The following RSPH14 variants were observed in gnomAD, a reference collection of about 807,000 sequenced individuals.
RSPH14 encodes the protein rhabdoid tumor deletion region gene 1.
A neutral mutation model predicts 26.7 loss-of-function variants in RSPH14; 20 were observed. The ratio of observed to expected loss-of-function variants is 0.75; its 90% CI spans 0.53 to 1.09. The LOEUF (loss-of-function observed/expected upper bound fraction) is 1.09, where lower values mean the gene tolerates loss of function less well. Ranked by LOEUF, RSPH14 falls within the 50% of genes least tolerant of loss-of-function variation. RSPH14 has a pLI of 0.00. For synonymous variants in RSPH14, 177 were observed against 189.3 expected, an observed-to-expected ratio of 0.93 and a Z score of 0.53; for missense variants, 449 against 457.2, an observed-to-expected ratio of 0.98 and a Z score of 0.16.
intron 4 of RSPH14, among the ~76,000 whole-genome samples, chr22:23,119,423 A>C (rs1176291040): frequency 6.6e-6 from 1 of 152,146 alleles, no homozygotes; most frequent in East Asian, 1.9e-4. Context: ...GTGGTTCTTC[A>C]GCCTCCCGCT....
chr22:23,140,125 G>C (rs112940584), intron 2 of RSPH14, 97 bp downstream of exon 2: 47 of 1,498,340 alleles, frequency 3.1e-5, no homozygotes, highest in Non-Finnish European at 4.1e-5. Flanking sequence ...CTGGAGTCAG[G>C]CTCAAACAAT....
In RSPH14 at chr22:23,136,487, G is replaced by A. The variant is rs1436079647; in HGVS notation, c.303-2343C>T. Among the ~76,000 whole-genome samples the A allele has an allele frequency of 2.2e-5, 3 of 137,470 alleles. 1 individual carries two copies. The highest frequency in any genetic ancestry group is 4.8e-5 in the Non-Finnish European group (3 of 61,918). The allele number at this position is 137,470 out of a possible 152,430, so 90.2% of individuals were successfully genotyped here. On this transcript the variant is annotated intron_variant, in intron 3 of 6. Coordinates refer to ENST00000216036, the MANE Select transcript of RSPH14 (RefSeq NM_014433.3). ...TCTGAGAACGCTGAAGGAGTGCACG[G>A]GCCAGGCCATTATCAGGTCCCTGGT...
intron 4 of RSPH14, among the ~76,000 whole-genome samples, chr22:23,086,976 G>A (rs1456487331): frequency 2.6e-5 from 4 of 152,240 alleles, no homozygotes; most frequent in Admixed American, 2.6e-4. Flanking sequence ...CTTGTCAGCT[G>A]GAAGCACATG....
chr22:23,059,863 C>T (rs1271861410), intron 6 of RSPH14, 145 bp from the exon 7 acceptor site: 5 of 879,374 alleles, frequency 5.7e-6, no homozygotes, highest in Non-Finnish European at 7.9e-6. Context: ...ATGCCCTCAC[C>T]CTCAGGGCTC....
chr22:23,096,211 C>A (rs758843916), intron 4 of RSPH14: 49 of 1,613,672 alleles, frequency 3.0e-5, no homozygotes, highest in Non-Finnish European at 4.1e-5. Context: ...TCCCCACTGT[C>A]GAGGACATCC....
At chr22:23,166,906 C>T in the RSPH14 span, among the ~76,000 whole-genome samples, 60 of 152,214 alleles carry the variant, frequency 3.9e-4, no homozygotes, top group African/African-American at 1.3e-3. Context: ...TAGCAAGAGG[C>T]CACATTTATG....
At chr22:23,141,723 C>T (rs1379964235) in intron 1 of RSPH14, among the ~76,000 whole-genome samples, 1 of 152,234 alleles carries the variant, frequency 6.6e-6, no homozygotes, top group African/African-American at 2.4e-5. Flanking sequence ...AAGTGGGGGC[C>T]GGACTGGGAG....
chr22:23,059,943 C>T (rs2068057158), intron 6 of RSPH14, among the ~76,000 whole-genome samples: 1 of 152,248 alleles, frequency 6.6e-6, no homozygotes, highest in South Asian at 2.1e-4. Flanking sequence ...CAACTGGCTC[C>T]TCTCCATCCA....
In RSPH14 at chr22:23,071,834, AGAG is replaced by A. The variant is rs2068386613; in HGVS notation, c.422-7704_422-7702del. 6.6e-6 allele frequency among the ~76,000 whole-genome samples: 1 copy of A among 152,180 alleles called. No individual in the cohort carries two copies. Among genetic ancestry groups the A allele is most frequent in the Admixed American group, 6.5e-5 (1 of 15,284 alleles). ...CAGCTAAGCTGGGCATTGTGGGCAGAGAGGAGAGAATAGACCGAGGCACTTGGG... is the reference window on the plus strand; with the variant it reads ...CAGCTAAGCTGGGCATTGTGGGCAGAGAGAGAATAGACCGAGGCACTTGGG... On this transcript the variant is annotated intron_variant, in intron 4 of 6. Coordinates refer to ENST00000216036, the MANE Select transcript of RSPH14 (RefSeq NM_014433.3). The surrounding 1 kb of genome is among the most constrained non-coding windows in gnomAD (Gnocchi z 4.1).
intron 4 of RSPH14, among the ~76,000 whole-genome samples, chr22:23,110,176 A>G (rs2069606041): frequency 6.6e-6 from 1 of 152,110 alleles, no homozygotes; most frequent in Non-Finnish European, 1.5e-5. Context: ...TCCTTGGGGC[A>G]AGGGTAGTGG....
chr22:23,118,192 C>G (rs2069905391), intron 4 of RSPH14, among the ~76,000 whole-genome samples: 1 of 152,204 alleles, frequency 6.6e-6, no homozygotes, highest in Admixed American at 6.5e-5. Context: ...CCACACCACC[C>G]CAGGGACTGC....
chr22:23,157,468 C>T, the RSPH14 span, among the ~76,000 whole-genome samples: 3 of 152,054 alleles, frequency 2.0e-5, no homozygotes, highest in Admixed American at 6.5e-5. Flanking sequence ...ACTGTGTTAG[C>T]CAGGATGGTC....
intron 4 of RSPH14, among the ~76,000 whole-genome samples, chr22:23,074,781 G>C (rs1246632398): frequency 6.6e-6 from 1 of 152,202 alleles, no homozygotes; most frequent in East Asian, 1.9e-4. Context: ...GCGGGTCCCA[G>C]AGAGCAGGTC....
At chr22:23,161,433 C>CATCCCCTGCCCAGT in the RSPH14 span, 1 of 1,368,998 alleles carries the variant, frequency 7.3e-7, no homozygotes, top group Non-Finnish European at 1.0e-6. Context: ...TCAGGGCCGG[C>CATCCCCTGCCCAGT]ATCCCCTGCC....
chr22:23,137,115 C>T (rs907283821), intron 3 of RSPH14, among the ~76,000 whole-genome samples: 5 of 138,990 alleles, frequency 3.6e-5, no homozygotes, highest in African/African-American at 1.3e-4. Context: ...ACCAAGGCAG[C>T]GAGAGCTTGG....
chr22:23,131,864 G>T (rs1157173699), intron 4 of RSPH14, among the ~76,000 whole-genome samples: 1 of 152,124 alleles, frequency 6.6e-6, no homozygotes, highest in Admixed American at 6.5e-5. Context: ...GAGGACCAGG[G>T]GCACGGTGGT....
At chr22:23,153,064 A>G in the RSPH14 span, 1 of 1,614,114 alleles carries the variant, frequency 6.2e-7, no homozygotes, top group Non-Finnish European at 8.5e-7. Context: ...TCGAGACTAC[A>G]AGGCCACCAT....
the RSPH14 span, among the ~76,000 whole-genome samples, chr22:23,150,614 T>A: frequency 1.3e-5 from 2 of 152,144 alleles, no homozygotes; most frequent in Non-Finnish European, 2.9e-5. Context: ...TGACTGGGGT[T>A]TTCATCTGGC....
chr22:23,110,990 A>C (rs2069634307), intron 4 of RSPH14, among the ~76,000 whole-genome samples: 1 of 152,182 alleles, frequency 6.6e-6, no homozygotes, highest in Non-Finnish European at 1.5e-5. Flanking sequence ...TGGGTGAACC[A>C]AGCACAGGGG....
Sources: gnomAD v4.1 joint callset for allele counts (sites outside exome capture counted in the v4.1 genomes callset) on GRCh38, gnomAD v4.1.1 for gene constraint, Gnocchi (gnomAD v3.1) non-coding constraint, MANE v1.5 for transcripts, NCBI Gene and HGNC (gene_info 2026-07-23, HGNC 2026-07-21) for gene names.